The following RNF113B variants were observed in gnomAD, a reference collection of about 807,000 sequenced individuals.
RNF113B encodes the protein zinc finger protein 183-like 1.
In RNF113B, 12 loss-of-function variants were observed where a neutral mutation model predicts 22.2. The ratio of observed to expected loss-of-function variants is 0.54; its 90% CI spans 0.35 to 0.87. RNF113B has a LOEUF of 0.87. Among genes scored for constraint, RNF113B ranks in the 40% least tolerant of loss-of-function variants. The probability of loss-of-function intolerance (pLI) is 0.01; values close to 1 mark genes in which losing one functional copy is unlikely to be tolerated. For synonymous variants in RNF113B, 194 were observed against 184.6 expected (o/e 1.05, Z -0.41); for missense variants, 442 against 455.4 (o/e 0.97, Z 0.27).
At position 98,176,383 on chromosome 13, in the gene RNF113B, C is replaced by G; in HGVS notation, c.854G>C (p.Arg285Pro). ...ACAGATGTAGCAGCGCGGGGTGGCC[C>G]GGAAGTGCTCCAGCGCGCAGCTCTC... ...FCESCALEHF[R>P]ATPRCYICDQ... The change falls in exon 1 of 2, where the codon CGG (arginine) becomes CCG (proline). Residue 285 changes from arginine (R) to proline (P), a missense_variant. Physicochemically the swap from Arg to Pro is moderately radical, Grantham distance 103. Transcript: ENST00000267291. This position sits in a 1 kb window ranked among gnomAD's most constrained non-coding sequence, Gnocchi z 6.2. 1 of 1,614,194 alleles carries G rather than the reference C, an allele frequency of 6.2e-7. No homozygotes were observed. Among genetic ancestry groups the G allele is most frequent in the Non-Finnish European group, 8.5e-7 (1 of 1,180,046 alleles).
Position 98,176,826 on chromosome 13 carries a change from T to C in RNF113B, c.411A>G (p.Ala137=). 6.2e-7 allele frequency: 1 copy of C among 1,612,854 alleles called. No homozygotes were observed. The highest frequency in any genetic ancestry group is 8.5e-7 in the Non-Finnish European group (1 of 1,179,998). ...TGTGGTCGTGCTCCCGACCCCGCAGTGCCTCCTGGACCCGCTGGCTGCACT... is the reference window on the plus strand; with the variant it reads ...TGTGGTCGTGCTCCCGACCCCGCAGCGCCTCCTGGACCCGCTGGCTGCACT... The part of the protein sequence containing the change: ...ILKCSQRVQE[A]LRGREHDHIY... Residue 137 remains alanine (A), a synonymous_variant, in exon 1 of 2, where the codon GCA becomes GCG. Coordinates refer to ENST00000267291, the MANE Select transcript of RNF113B (RefSeq NM_178861.5). The surrounding 1 kb of genome is among the most constrained non-coding windows in gnomAD (Gnocchi z 6.2).
In RNF113B at chr13:98,176,891, G is replaced by A; in HGVS notation, c.346C>T (p.Gln116Ter). ...GTATGGTGCTCCTTCTCGGTGTCCT[G>A]CTCGAAGTCAGCGGTGGCCCCCATG... ...EDMGATADFEQDTEKEHHTPT... is the reference protein window; with the variant it reads ...EDMGATADFE Residue 116 changes from glutamine (Q) to a stop codon, truncating the protein, a stop_gained, in exon 1 of 2, where the codon CAG becomes TAG. Transcript: ENST00000267291. LOFTEE classifies it high-confidence loss of function. The surrounding 1 kb of genome is among the most constrained non-coding windows in gnomAD (Gnocchi z 6.2). The A allele has an allele frequency of 6.2e-7, 1 of 1,606,390 alleles. No individual in the cohort carries two copies. The highest frequency in any genetic ancestry group is 8.5e-7 in the Non-Finnish European group (1 of 1,179,918).
chr13:98,176,927 C>T lies in RNF113B; in HGVS notation c.310G>A (p.Gly104Arg). The T allele has an allele frequency of 1.2e-6, 2 of 1,603,672 alleles. No individual in the cohort carries two copies. The highest frequency in any genetic ancestry group is 1.7e-6 in the Non-Finnish European group (2 of 1,179,922). Residue 104 changes from glycine (G) to arginine (R), a missense_variant, in exon 1 of 2, where the codon GGG (glycine) becomes AGG (arginine). Transcript: ENST00000267291. This position sits in a 1 kb window ranked among gnomAD's most constrained non-coding sequence, Gnocchi z 6.2. ...YRSTRSAKPV[G>R]PEDMGATADF... ...GCGGTGGCCCCCATGTCCTCTGGCC[C>T]CACAGGCTTCGCCGAGCGGGTGGAC...
At position 98,177,184 on chromosome 13, in the gene RNF113B, C is replaced by A. The variant is rs1367226747; in HGVS notation, c.53G>T (p.Cys18Phe). The A allele has an allele frequency of 1.1e-5, 18 of 1,590,676 alleles. No individual in the cohort carries two copies. Among genetic ancestry groups the A allele is most frequent in the African/African-American group, 2.7e-5 (2 of 73,848 alleles). ...GRTADQADQV[C>F]TFLFKKPGRK... is the part of the protein sequence containing the mutation. The stretch of plus-strand genomic sequence containing the variant: ...TCCAGGCTTTTTGAAGAGGAAGGTG[C>A]ATACCTGGTCTGCTTGGTCGGCCGT... The change falls in exon 1 of 2, where the codon TGC (cysteine) becomes TTC (phenylalanine). Residue 18 changes from cysteine to phenylalanine, a missense_variant. Coordinates refer to ENST00000267291, the MANE Select transcript of RNF113B (RefSeq NM_178861.5).
chr13:98,176,964 G>C lies in RNF113B; in HGVS notation c.273C>G (p.Asp91Glu). The change falls in exon 1 of 2, where the codon GAC becomes GAG. Residue 91 changes from aspartate (D) to glutamate (E), a missense_variant. By Grantham distance (45) the Asp-to-Glu change is conservative (BLOSUM62 2). Coordinates refer to ENST00000267291, the MANE Select transcript of RNF113B (RefSeq NM_178861.5). This position sits in a 1 kb window ranked among gnomAD's most constrained non-coding sequence, Gnocchi z 6.2. ...CCGAGCGGGTGGACCTGTACACCAC[G>C]TCGAGGCTCTCAGGCGCCGCCTCCT... The part of the protein sequence containing the change: ...RGEEAAPESL[D>E]VVYRSTRSAK... The C allele has an allele frequency of 6.2e-7, 1 of 1,601,062 alleles. No individual in the cohort carries two copies. The highest frequency in any genetic ancestry group is 8.5e-7 in the Non-Finnish European group (1 of 1,179,842).
chr13:98,176,101 ATCTC>A lies in RNF113B; in HGVS notation c.*58_*61del. ...GGCATGGGATTGCAGGAAGACTGTC[ATCTC>A]TCTCATCTTACTCAACAGGCTGCTT... On this transcript the variant is annotated 3_prime_UTR_variant, in exon 2 of 2. Transcript: ENST00000267291. The surrounding 1 kb of genome is among the most constrained non-coding windows in gnomAD (Gnocchi z 6.2). The A allele has an allele frequency of 7.2e-7, 1 of 1,397,802 alleles. No individual in the cohort carries two copies. Among genetic ancestry groups the A allele is most frequent in the Non-Finnish European group, 1.0e-6 (1 of 993,666 alleles). The allele number at this position is 1,397,802 out of a possible 1,614,324, so 86.6% of individuals were successfully genotyped here. A position where few individuals can be genotyped will look rare whatever the true frequency, so the allele number is the denominator to read the frequency against.
chr13:98,176,572 A>T lies in RNF113B; in HGVS notation c.665T>A (p.Leu222His). 2 of 1,614,102 alleles carry T rather than the reference A, an allele frequency of 1.2e-6. No homozygotes were observed. The highest frequency in any genetic ancestry group is 2.2e-5 in the South Asian group (2 of 91,076). ...AAGCTCCCGTTCAATCTCCCACCCG[A>T]GCTTGTAATCGGAACGGTCGTGGAG... ...KFLHDRSDYK[L>H]GWEIERELEE... The change falls in exon 1 of 2, where the codon CTC (leucine) becomes CAC (histidine). Residue 222 changes from leucine (L) to histidine (H), a missense_variant. Transcript: ENST00000267291. This position sits in a 1 kb window ranked among gnomAD's most constrained non-coding sequence, Gnocchi z 6.2.
Position 98,177,195 on chromosome 13 carries a change from T to A in RNF113B, c.42A>T (p.Ala14=). The change falls in exon 1 of 2, where the codon GCA becomes GCT. Residue 14 remains alanine (A), a synonymous_variant. Coordinates refer to ENST00000267291, the MANE Select transcript of RNF113B (RefSeq NM_178861.5). Reference sequence around the variant, plus strand: ...TGAAGAGGAAGGTGCATACCTGGTCTGCTTGGTCGGCCGTCCTTCCTGGAG... The same window carrying A: ...TGAAGAGGAAGGTGCATACCTGGTCAGCTTGGTCGGCCGTCCTTCCTGGAG... ...PPSPGRTADQ[A]DQVCTFLFKK... 1 of 1,580,100 alleles carries A rather than the reference T, an allele frequency of 6.3e-7. No homozygotes were observed. The highest frequency in any genetic ancestry group is 1.4e-5 in the African/African-American group (1 of 73,560).
chr13:98,176,087 G>C lies in RNF113B; in HGVS notation c.*76C>G. 2 of 1,273,230 alleles carry C rather than the reference G, an allele frequency of 1.6e-6. No homozygotes were observed. The highest frequency in any genetic ancestry group is 2.3e-6 in the Non-Finnish European group (2 of 881,008). The allele number at this position is 1,273,230 out of a possible 1,614,324, so 78.9% of individuals were successfully genotyped here. ...TGGTTACATACTCAGGCATGGGATT[G>C]CAGGAAGACTGTCATCTCTCTCATC... On this transcript the variant is annotated 3_prime_UTR_variant, in exon 2 of 2. Transcript: ENST00000267291. This position sits in a 1 kb window ranked among gnomAD's most constrained non-coding sequence, Gnocchi z 6.2.
Position 98,176,562 on chromosome 13 carries a change from C to T in RNF113B, c.675G>A (p.Glu225=), listed in dbSNP as rs116765314. 677 of 1,614,220 alleles carry T rather than the reference C, an allele frequency of 4.2e-4. 2 individuals carry two copies. In the African/African-American group the frequency reaches 8.4e-3, roughly 20 times the overall value. The change falls in exon 1 of 2, where the codon GAG becomes GAA. Residue 225 remains glutamate, a synonymous_variant. Transcript: ENST00000267291. This position sits in a 1 kb window ranked among gnomAD's most constrained non-coding sequence, Gnocchi z 6.2. ...HDRSDYKLGW[E]IERELEEGRY... The stretch of plus-strand genomic sequence containing the variant: ...GACCCTCTTCAAGCTCCCGTTCAAT[C>T]TCCCACCCGAGCTTGTAATCGGAAC...
At position 98,176,017 on chromosome 13, in the gene RNF113B, C is replaced by A; in HGVS notation, c.*146G>T. ...CTTTTGCAAATAATTCTGCAGTGAACATGGGAGTGCACATACCTCTTTGAG... is the reference window on the plus strand; with the variant it reads ...CTTTTGCAAATAATTCTGCAGTGAAAATGGGAGTGCACATACCTCTTTGAG... On this transcript the variant is annotated 3_prime_UTR_variant, in exon 2 of 2. Coordinates refer to ENST00000267291, the MANE Select transcript of RNF113B (RefSeq NM_178861.5). The surrounding 1 kb of genome is among the most constrained non-coding windows in gnomAD (Gnocchi z 6.2). 1 of 738,752 alleles carries A rather than the reference C, an allele frequency of 1.4e-6. No homozygotes were observed. The allele number at this position is 738,752 out of a possible 1,614,324, so 45.8% of individuals were successfully genotyped here. A position where few individuals can be genotyped will look rare whatever the true frequency, so the allele number is the denominator to read the frequency against.
rs1355021425 is a variant in RNF113B, at chr13:98,176,131, C to T, written c.*32G>A. 1 of 1,588,078 alleles carries T rather than the reference C, an allele frequency of 6.3e-7. No homozygotes were observed. On this transcript the variant is annotated 3_prime_UTR_variant, in exon 2 of 2. Coordinates refer to ENST00000267291, the MANE Select transcript of RNF113B (RefSeq NM_178861.5). The surrounding 1 kb of genome is among the most constrained non-coding windows in gnomAD (Gnocchi z 6.2). ...TCTCATCTTACTCAACAGGCTGCTT[C>T]TCCCCAGTGTACATACAGACTTGAG...
At position 98,176,678 on chromosome 13, in the gene RNF113B, C is replaced by T; in HGVS notation, c.559G>A (p.Val187Met). ...ATGTCAGGCTGGTAATCCCAGCGCA[C>T]AGTGGCGCGCAGATGCCCTGGCGCA... is the stretch of plus-strand genomic sequence containing the variant. The part of the protein sequence containing the change: ...IRAPGHLRAT[V>M]RWDYQPDICK... Residue 187 changes from valine (V) to methionine (M), a missense_variant, in exon 1 of 2, where the codon GTG becomes ATG. Coordinates refer to ENST00000267291, the MANE Select transcript of RNF113B (RefSeq NM_178861.5). The surrounding 1 kb of genome is among the most constrained non-coding windows in gnomAD (Gnocchi z 6.2). 17 of 1,614,228 alleles carry T rather than the reference C, an allele frequency of 1.1e-5. No individual in the cohort carries two copies. The highest frequency in any genetic ancestry group is 1.4e-5 in the Non-Finnish European group (16 of 1,180,046).
Position 98,176,132 on chromosome 13 carries a change from T to C in RNF113B, c.*31A>G, listed in dbSNP as rs564509369. On this transcript the variant is annotated 3_prime_UTR_variant, in exon 2 of 2. Transcript: ENST00000267291. The surrounding 1 kb of genome is among the most constrained non-coding windows in gnomAD (Gnocchi z 6.2). ...CTCATCTTACTCAACAGGCTGCTTC[T>C]CCCCAGTGTACATACAGACTTGAGT... The C allele has an allele frequency of 1.3e-6, 2 of 1,589,584 alleles. No individual in the cohort carries two copies. The highest frequency in any genetic ancestry group is 1.3e-5 in the African/African-American group (1 of 74,386).
At position 98,176,438 on chromosome 13, in the gene RNF113B, CTGGGTTT is replaced by C; in HGVS notation, c.792_798del (p.Asn265SerfsTer41). The C allele has an allele frequency of 1.2e-6, 2 of 1,614,212 alleles. No individual in the cohort carries two copies. Among genetic ancestry groups the C allele is most frequent in the Non-Finnish European group, 1.7e-6 (2 of 1,180,034 alleles). The stretch of plus-strand genomic sequence containing the variant: ...AAATAATGCCTGCACTTGGTGACGA[CTGGGTTT>C]TGGAAGGCCTGGCGACATATGAAAC... On this transcript the variant is annotated frameshift_variant, in exon 1 of 2. Transcript: ENST00000267291. LOFTEE classifies it high-confidence loss of function. This position sits in a 1 kb window ranked among gnomAD's most constrained non-coding sequence, Gnocchi z 6.2.
Position 98,176,836 on chromosome 13 carries a change from AC to A in RNF113B, c.400del (p.Val134SerfsTer21), listed in dbSNP as rs1312089964. Reference protein sequence around the residue: ...TPTILKCSQRVQEALRGREHD... With the variant: ...TPTILKCSQRXQEALRGREHD... ...CTCCCGACCCCGCAGTGCCTCCTGGACCCGCTGGCTGCACTTGAGGATGGTC... is the reference window on the plus strand; with the variant it reads ...CTCCCGACCCCGCAGTGCCTCCTGGACCGCTGGCTGCACTTGAGGATGGTC... On this transcript the variant is annotated frameshift_variant, in exon 1 of 2. Coordinates refer to ENST00000267291, the MANE Select transcript of RNF113B (RefSeq NM_178861.5). LOFTEE classifies it high-confidence loss of function. This position sits in a 1 kb window ranked among gnomAD's most constrained non-coding sequence, Gnocchi z 6.2. The A allele has an allele frequency of 6.2e-7, 1 of 1,608,256 alleles. No homozygotes were observed. Among genetic ancestry groups the A allele is most frequent in the Admixed American group, 1.7e-5 (1 of 59,312 alleles).
Position 98,176,068 on chromosome 13 carries a change from C to G in RNF113B, c.*95G>C, listed in dbSNP as rs1877991266. 9.3e-7 allele frequency: 1 copy of G among 1,080,058 alleles called. No individual in the cohort carries two copies. Among genetic ancestry groups the G allele is most frequent in the African/African-American group, 1.6e-5 (1 of 63,314 alleles). The allele number at this position is 1,080,058 out of a possible 1,614,324, so 66.9% of individuals were successfully genotyped here. On this transcript the variant is annotated 3_prime_UTR_variant, in exon 2 of 2. Coordinates refer to ENST00000267291, the MANE Select transcript of RNF113B (RefSeq NM_178861.5). The surrounding 1 kb of genome is among the most constrained non-coding windows in gnomAD (Gnocchi z 6.2). Reference sequence around the variant, plus strand: ...ATCCGGATTTCAATTCTTTTGGTTACATACTCAGGCATGGGATTGCAGGAA... The same window carrying G: ...ATCCGGATTTCAATTCTTTTGGTTAGATACTCAGGCATGGGATTGCAGGAA...
At position 98,175,920 on chromosome 13, in the gene RNF113B, TTG is replaced by T; in HGVS notation, c.*241_*242del. ...CCCGTTAAGGCTTAATAGCATTCCA[TTG>T]TGTGTGTGTATCGCATTTTGTTTGT... On this transcript the variant is annotated 3_prime_UTR_variant, in exon 2 of 2. Transcript: ENST00000267291. 4 of 531,016 alleles carry T rather than the reference TTG, an allele frequency of 7.5e-6. No individual in the cohort carries two copies. The highest frequency in any genetic ancestry group is 3.1e-5 in the East Asian group (1 of 32,588). 32.9% of individuals were successfully genotyped at this position (531,016 alleles called of 1,614,324 possible). A position where few individuals can be genotyped will look rare whatever the true frequency, so the allele number is the denominator to read the frequency against.
Position 98,176,533 on chromosome 13 carries a change from T to C in RNF113B, c.704A>G (p.Tyr235Cys), listed in dbSNP as rs771241422. Residue 235 changes from tyrosine to cysteine, a missense_variant, in exon 1 of 2, where the codon TAC becomes TGC. Coordinates refer to ENST00000267291, the MANE Select transcript of RNF113B (RefSeq NM_178861.5). The surrounding 1 kb of genome is among the most constrained non-coding windows in gnomAD (Gnocchi z 6.2). Reference protein sequence around the residue: ...EIERELEEGRYCICEDENHEV... With the variant: ...EIERELEEGRCCICEDENHEV... ...ATGGTTTTCGTCCTCGCAGATACAG[T>C]AGCGACCCTCTTCAAGCTCCCGTTC... The C allele has an allele frequency of 1.9e-5, 30 of 1,614,076 alleles. 1 individual carries two copies. In the Middle Eastern group the frequency reaches 1.2e-3, roughly 62 times the overall value.
Sources: gnomAD v4.1 joint callset for allele counts on GRCh38, gnomAD v4.1.1 for gene constraint, Gnocchi (gnomAD v3.1) non-coding constraint, MANE v1.5 for transcripts, NCBI Gene and HGNC (gene_info 2026-07-23, HGNC 2026-07-21) for gene names.